Variants in SMC1B observed in about 807,000 individuals in gnomAD.
SMC1B encodes structural maintenance of chromosomes 1B, also known as structural maintenance of chromosomes protein 1B.
SMC1B carries 60 observed loss-of-function variants against 157.9 expected under a neutral mutation model. The ratio of observed to expected loss-of-function variants is 0.38; its 90% CI spans 0.31 to 0.47. SMC1B has a LOEUF of 0.47. Among genes scored for constraint, SMC1B ranks in the 20% least tolerant of loss-of-function variants. The pLI, the probability that SMC1B is intolerant of heterozygous loss-of-function variation, is 0.99. For missense variants in SMC1B, 1,165 were observed against 1,426.2 expected, an observed-to-expected ratio of 0.82 and a Z score of 2.95; for synonymous variants, 445 against 483.0, an observed-to-expected ratio of 0.92 and a Z score of 1.03.
intron 6 of SMC1B, among the ~76,000 whole-genome samples, chr22:45,398,145 A>G (rs2087147510): frequency 1.3e-5 from 2 of 152,160 alleles, no homozygotes; most frequent in Admixed American, 1.3e-4. Context: ...AGGACTAAAG[A>G]GCTGATTAGC....
chr22:45,385,880 A>G (rs765285444), intron 11 of SMC1B, among the ~76,000 whole-genome samples: 2 of 152,094 alleles, frequency 1.3e-5, no homozygotes, highest in South Asian at 2.1e-4. Flanking sequence ...ATCATGTTAG[A>G]TAAGTCAATA....
intron 5 of SMC1B, among the ~76,000 whole-genome samples, chr22:45,402,038 C>T (rs1385568788): frequency 1.3e-5 from 2 of 152,178 alleles, no homozygotes; most frequent in African/African-American, 4.8e-5. Flanking sequence ...TGCCTGCCAC[C>T]ATGCCCAGCT....
chr22:45,345,407 C>T (rs1038380362), intron 24 of SMC1B, 52 bp downstream of exon 24: 1 of 1,116,336 alleles, frequency 9.0e-7, no homozygotes, highest in Non-Finnish European at 1.3e-6. Flanking sequence ...TGTCAGGGTA[C>T]TAAGGGAAGT....
chr22:45,382,336 T>C (rs964322228), intron 12 of SMC1B, among the ~76,000 whole-genome samples: 1 of 152,198 alleles, frequency 6.6e-6, no homozygotes, highest in Non-Finnish European at 1.5e-5. Context: ...ATCTCAAAAA[T>C]ACTAAGCTAA....
In SMC1B at chr22:45,396,457, T is replaced by G. The variant is rs1299824539; in HGVS notation, c.1143A>C (p.Gln381His). 6.2e-7 allele frequency: 1 copy of G among 1,613,428 alleles called. No individual in the cohort carries two copies. Among genetic ancestry groups the G allele is most frequent in the Non-Finnish European group, 8.5e-7 (1 of 1,179,714 alleles). Residue 381 changes from glutamine (Q) to histidine (H), a missense_variant, in exon 7 of 25, where the codon CAA becomes CAC. Physicochemically the swap from Gln to His is conservative, Grantham distance 24. Transcript: ENST00000357450. Reference protein sequence around the residue: ...QLDRYKELKEQVRKKVATMTQ... With the variant: ...QLDRYKELKEHVRKKVATMTQ... Reference sequence around the variant, plus strand: ...TCATTGTAGCTACTTTCTTTCTTACTTGTTCCTTAAGTTCTTTATAACGAT... The same window carrying G: ...TCATTGTAGCTACTTTCTTTCTTACGTGTTCCTTAAGTTCTTTATAACGAT...
chr22:45,405,719 G>A (rs2087251715), intron 4 of SMC1B, among the ~76,000 whole-genome samples: 1 of 152,172 alleles, frequency 6.6e-6, no homozygotes, highest in South Asian at 2.1e-4. Flanking sequence ...ATGTAATGTG[G>A]TCATGGCCTC....
At chr22:45,411,952 C>A (rs973977897) in intron 1 of SMC1B, among the ~76,000 whole-genome samples, 1 of 152,142 alleles carries the variant, frequency 6.6e-6, no homozygotes, top group Non-Finnish European at 1.5e-5. Context: ...AGTCTTGGCT[C>A]ACTGCAACCT....
intron 9 of SMC1B, among the ~76,000 whole-genome samples, chr22:45,390,900 T>C (rs937673811): frequency 1.9e-4 from 29 of 152,216 alleles, no homozygotes; most frequent in African/African-American, 6.3e-4. Flanking sequence ...TTCCTCCGTT[T>C]GTTAGGTTCT....
At chr22:45,365,216 C>T (rs766883696) in intron 15 of SMC1B, among the ~76,000 whole-genome samples, 1 of 152,072 alleles carries the variant, frequency 6.6e-6, no homozygotes, top group African/African-American at 2.4e-5. Flanking sequence ...CATTTATATA[C>T]GGACATTCCC....
chr22:45,406,932 A>G, intron 2 of SMC1B, 67 bp from the exon 3 acceptor site: 4 of 1,095,084 alleles, frequency 3.7e-6, no homozygotes, highest in Non-Finnish European at 5.1e-6. Flanking sequence ...AATCCACCGA[A>G]AGTTTAATAA....
chr22:45,383,144 A>AC (rs1382961463), intron 12 of SMC1B, among the ~76,000 whole-genome samples: 16 of 151,536 alleles, frequency 1.1e-4, no homozygotes, highest in Admixed American at 1.1e-3. Flanking sequence ...AAAAAAAAAA[A>AC]CAAAAAACAA....
chr22:45,413,402 G>C, intron 1 of SMC1B, 57 bp downstream of exon 1: 3 of 1,396,144 alleles, frequency 2.1e-6, no homozygotes, highest in Non-Finnish European at 3.0e-6. Context: ...GCCACGTGTG[G>C]CCTGGACGCC....
intron 15 of SMC1B, 77 bp downstream of exon 15, chr22:45,369,877 A>G (rs567474165): frequency 1.1e-6 from 1 of 875,814 alleles, no homozygotes; most frequent in Admixed American, 2.8e-5. Flanking sequence ...ACTCAGGCAT[A>G]ATTCCTCTAA....
chr22:45,385,260 C>G (rs1225874507), intron 11 of SMC1B, among the ~76,000 whole-genome samples: 1 of 152,030 alleles, frequency 6.6e-6, no homozygotes, highest in African/African-American at 2.4e-5. Context: ...TTGTAGTTTA[C>G]AGATACTGTA....
rs1277662629 is a variant in SMC1B at position 45,362,769 on chromosome 22, A to C, written c.2562+116T>G. ...CTGATTTTACTTTAAGTATTTCTTAAATCTGTCCCCAACCCCTTCACTAAC... is the reference window on the plus strand; with the variant it reads ...CTGATTTTACTTTAAGTATTTCTTACATCTGTCCCCAACCCCTTCACTAAC... On this transcript the variant is annotated intron_variant, in intron 16 of 24. Transcript: ENST00000357450. 3 of 824,732 alleles carry C rather than the reference A, an allele frequency of 3.6e-6. No individual in the cohort carries two copies. The African/African-American group carries it at 5.3e-5, about 15-fold the overall frequency. The allele number at this position is 824,732 out of a possible 1,614,324, so 51.1% of individuals were successfully genotyped here.
At chr22:45,379,403 CAT>C (rs2086913652) in intron 12 of SMC1B, among the ~76,000 whole-genome samples, 1 of 152,246 alleles carries the variant, frequency 6.6e-6, no homozygotes, top group African/African-American at 2.4e-5. Context: ...TAATCACTGA[CAT>C]ACAAAAATTT....
In SMC1B at chr22:45,406,811, A is replaced by T. The variant is rs758176591; in HGVS notation, c.353T>A (p.Ile118Asn). 1 of 1,595,624 alleles carries T rather than the reference A, an allele frequency of 6.3e-7. No homozygotes were observed. The highest frequency in any genetic ancestry group is 1.4e-5 in the African/African-American group (1 of 73,798). Residue 118 changes from isoleucine to asparagine, a missense_variant, in exon 3 of 25, where the codon ATT (isoleucine) becomes AAT (asparagine). By Grantham distance (149) the Ile-to-Asn change is moderately radical. Coordinates refer to ENST00000357450, the MANE Select transcript of SMC1B (RefSeq NM_148674.5). The stretch of plus-strand genomic sequence containing the variant: ...TATGCCTATCTTTTCCAACTCTGCA[A>T]TGTAAACAGAACGACTCACAAGATT... ...NDNLVSRSVY[I>N]AELEKIGIIV...
intron 5 of SMC1B, among the ~76,000 whole-genome samples, chr22:45,400,590 G>C (rs1265469818): frequency 1.3e-5 from 2 of 152,126 alleles, no homozygotes; most frequent in Non-Finnish European, 2.9e-5. Flanking sequence ...TAGATACTTT[G>C]CCCTCAAGGT....
intron 5 of SMC1B, 38 bp downstream of exon 5, chr22:45,402,295 T>C (rs1367230350): frequency 7.2e-7 from 1 of 1,383,636 alleles, no homozygotes. Flanking sequence ...TCAAGCTACA[T>C]ATAACCCAAC....
Sources: allele counts gnomAD v4.1 joint callset (sites outside exome capture counted in the v4.1 genomes callset), GRCh38; gene constraint gnomAD v4.1.1; transcripts MANE v1.5; gene names NCBI Gene and HGNC (gene_info 2026-07-23, HGNC 2026-07-21).